STX18: variants seen among roughly 807,000 people sequenced by gnomAD.
STX18 encodes syntaxin 18, also known as syntaxin-18.
In STX18, 40 loss-of-function variants were observed where a neutral mutation model predicts 50.1. The observed-to-expected ratio is 0.80, with a 90% confidence interval of 0.62 to 1.04. STX18 has a LOEUF of 1.04. Among genes scored for constraint, STX18 ranks in the 50% least tolerant of loss-of-function variants. The pLI is 0.00. For synonymous variants in STX18, 158 were observed against 151.8 expected (o/e 1.04, Z -0.30); for missense variants, 410 against 415.8 (o/e 0.99, Z 0.12).
intron 1 of STX18, among the ~76,000 whole-genome samples, chr4:4,533,712 G>A (rs1024726078): frequency 6.6e-6 from 1 of 152,158 alleles, no homozygotes; most frequent in African/African-American, 2.4e-5. Context: ...AGCCCCTGAT[G>A]GGAAGAATTC....
At chr4:4,462,361 C>T (rs1727425080) in intron 2 of STX18, among the ~76,000 whole-genome samples, 1 of 152,210 alleles carries the variant, frequency 6.6e-6, no homozygotes, top group East Asian at 1.9e-4. Flanking sequence ...ACATCATCCA[C>T]ATTTTATAAA....
At chr4:4,530,928 A>C (rs925338019) in intron 1 of STX18, among the ~76,000 whole-genome samples, 43 of 152,220 alleles carry the variant, frequency 2.8e-4, no homozygotes, top group African/African-American at 1.0e-3. Context: ...ACTCAGAAAG[A>C]CTTCCCACTT....
chr4:4,471,752 C>T (rs367985235), intron 1 of STX18, 46 bp from the exon 2 acceptor site: 18 of 1,310,722 alleles, frequency 1.4e-5, no homozygotes, highest in South Asian at 1.1e-4. Flanking sequence ...ATATGTTACA[C>T]TCATGTAATG....
chr4:4,425,253 A>G, intron 7 of STX18, 31 bp from the exon 8 acceptor site: 1 of 1,580,498 alleles, frequency 6.3e-7, no homozygotes, highest in Non-Finnish European at 8.7e-7. Context: ...TCAGGATGAC[A>G]TCATACTGAA....
At chr4:4,460,386 G>A (rs1054185126) in intron 2 of STX18, among the ~76,000 whole-genome samples, 1 of 152,036 alleles carries the variant, frequency 6.6e-6, no homozygotes, top group Non-Finnish European at 1.5e-5. Context: ...CTCCTAAACC[G>A]ATTTTTCCCC....
At chr4:4,475,772 T>C (rs566061791) in intron 1 of STX18, among the ~76,000 whole-genome samples, 68 of 152,336 alleles carry the variant, frequency 4.5e-4, no homozygotes, top group African/African-American at 1.6e-3. Flanking sequence ...TAAGTAGTTG[T>C]ATGCTTTGGA....
intron 1 of STX18, among the ~76,000 whole-genome samples, chr4:4,533,525 T>C (rs1367239386): frequency 2.0e-5 from 3 of 152,190 alleles, no homozygotes; most frequent in Non-Finnish European, 4.4e-5. Flanking sequence ...AGCTCAAAAA[T>C]GACTGAGTTT....
intron 1 of STX18, among the ~76,000 whole-genome samples, chr4:4,536,432 G>A (rs553443413): frequency 4.4e-4 from 67 of 152,316 alleles, no homozygotes; most frequent in African/African-American, 1.6e-3. Context: ...TAGGGGAAGG[G>A]ACAGAAAAAG....
In STX18 at chr4:4,420,414, T is replaced by G. The variant is rs1724874608; in HGVS notation, c.913-285A>C. The G allele has an allele frequency of 2.2e-6, 1 of 446,766 alleles. No homozygotes were observed. Among genetic ancestry groups the G allele is most frequent in the African/African-American group, 2.0e-5 (1 of 50,774 alleles). 27.7% of individuals were successfully genotyped at this position (446,766 alleles called of 1,614,324 possible). A position where few individuals can be genotyped will look rare whatever the true frequency, so the allele number is the denominator to read the frequency against. ...AGGGTTAAGGGCCCCGAGCAGAGTG[T>G]GACCGCAAGCTTTGTGTTTCCCAGT... On this transcript the variant is annotated intron_variant, in intron 10 of 10. Transcript: ENST00000306200. The surrounding 1 kb of genome is among the most constrained non-coding windows in gnomAD (Gnocchi z 4.3).
intron 1 of STX18, among the ~76,000 whole-genome samples, chr4:4,535,490 G>A (rs1299054117): frequency 6.6e-6 from 1 of 152,116 alleles, no homozygotes; most frequent in African/African-American, 2.4e-5. Flanking sequence ...GAGCATTAAA[G>A]CAGTGGTTTT....
chr4:4,511,687 A>T (rs1730010252), intron 1 of STX18, among the ~76,000 whole-genome samples: 1 of 151,226 alleles, frequency 6.6e-6, no homozygotes, highest in East Asian at 1.9e-4. Flanking sequence ...GAAAATACAT[A>T]CAATCACCAA....
rs1295628488 is a variant in STX18, at chr4:4,447,648, ATCTT to A, written c.498-9143_498-9140del. On this transcript the variant is annotated intron_variant, in intron 5 of 10. Coordinates refer to ENST00000306200, the MANE Select transcript of STX18 (RefSeq NM_016930.4). Reference sequence around the variant, plus strand: ...AAAAAAAAAAAATGGGGCTCTGACTATCTTTCTTGTTAGAGTTACTGCTTTATAT... The same window carrying A: ...AAAAAAAAAAAATGGGGCTCTGACTATCTTGTTAGAGTTACTGCTTTATAT... Among the ~76,000 whole-genome samples the A allele has an allele frequency of 2.2e-5, 3 of 134,128 alleles. No individual in the cohort carries two copies. The East Asian group carries it at 7.4e-4, about 33-fold the overall frequency. 88.0% of individuals were successfully genotyped at this position (134,128 alleles called of 152,430 possible). A position where few individuals can be genotyped will look rare whatever the true frequency, so the allele number is the denominator to read the frequency against.
chr4:4,453,771 TGGACCCCCAAAGCA>T (rs1726905443), intron 5 of STX18: 1 of 641,016 alleles, frequency 1.6e-6, no homozygotes, highest in Admixed American at 6.3e-5. Context: ...ACAGGTACCG[TGGACCCCCAAAGCA>T]GGAGATGCTT....
intron 9 of STX18, among the ~76,000 whole-genome samples, chr4:4,422,636 G>C (rs1725030608): frequency 1.3e-5 from 2 of 152,096 alleles, no homozygotes; most frequent in Admixed American, 1.3e-4. Context: ...CCAAGGCAAG[G>C]CTCTGCCTAT....
intron 5 of STX18, among the ~76,000 whole-genome samples, chr4:4,447,821 T>G (rs188080826): frequency 2.2e-4 from 34 of 152,258 alleles, no homozygotes; most frequent in Non-Finnish European, 4.3e-4. Flanking sequence ...CAATTTTTTT[T>G]GTGAAGTCTT....
At chr4:4,423,883 C>T in intron 8 of STX18, 1 of 425,580 alleles carries the variant, frequency 2.3e-6, no homozygotes. Context: ...CATTCTGTGT[C>T]ACTGCTCGGG....
intron 2 of STX18, among the ~76,000 whole-genome samples, chr4:4,470,862 G>A (rs1188910886): frequency 1.3e-5 from 2 of 152,278 alleles, no homozygotes; most frequent in East Asian, 1.9e-4. Context: ...TGGGGAGACC[G>A]CAGTGTAGAG....
chr4:4,439,754 T>C (rs540176600), intron 5 of STX18, among the ~76,000 whole-genome samples: 6 of 152,174 alleles, frequency 3.9e-5, no homozygotes, highest in African/African-American at 7.2e-5. Context: ...CAGGACTGAG[T>C]CCTCTGCACT....
chr4:4,472,531 C>T (rs928705823), intron 1 of STX18, among the ~76,000 whole-genome samples: 17 of 152,310 alleles, frequency 1.1e-4, no homozygotes, highest in East Asian at 1.9e-4. Flanking sequence ...GCAAGGTCTG[C>T]GGAACTTTCA....
Sources: gnomAD v4.1 joint callset for allele counts (sites outside exome capture counted in the v4.1 genomes callset) on GRCh38, gnomAD v4.1.1 for gene constraint, Gnocchi (gnomAD v3.1) non-coding constraint, MANE v1.5 for transcripts, NCBI Gene and HGNC (gene_info 2026-07-23, HGNC 2026-07-21) for gene names.